Variants in SH3D19 observed in about 807,000 individuals in gnomAD.
SH3D19 encodes SH3 domain-containing protein 19.
Under a neutral mutation model 112.1 loss-of-function variants are expected in SH3D19, and 58 were observed. The observed-to-expected ratio is 0.52, with a 90% CI of 0.42 to 0.64. The LOEUF (loss-of-function observed/expected upper bound fraction) is 0.64. SH3D19 is among the 30% of genes least tolerant of loss of function. The pLI is 0.00. For synonymous variants in SH3D19, 391 were observed against 448.5 expected (o/e 0.87, Z 1.62); for missense variants, 1,090 against 1,263.4 (o/e 0.86, Z 2.08).
intron 1 of SH3D19, among the ~76,000 whole-genome samples, chr4:151,317,919 A>AGGT (rs1230244225): frequency 6.6e-5 from 10 of 151,816 alleles, no homozygotes; most frequent in African/African-American, 1.9e-4. Flanking sequence ...TGAACCTGGG[A>AGGT]GGTGGAGGTT....
intron 2 of SH3D19, among the ~76,000 whole-genome samples, chr4:151,191,748 C>T (rs1012580478): frequency 2.6e-5 from 4 of 151,686 alleles, no homozygotes; most frequent in African/African-American, 7.3e-5. Flanking sequence ...CAGGTTCATG[C>T]CATTCTCCTG....
Position 151,137,715 on chromosome 4 carries a change from A to G in SH3D19, c.2427+17T>C. 1 of 1,570,950 alleles carries G rather than the reference A, an allele frequency of 6.4e-7. No individual in the cohort carries two copies. Among genetic ancestry groups the G allele is most frequent in the Non-Finnish European group, 8.6e-7 (1 of 1,162,290 alleles). The stretch of plus-strand genomic sequence containing the variant: ...ACTGAGTATATGACCAAATTAAAAC[A>G]AACACAACCCACTTACAATCACTTT... On this transcript the variant is annotated intron_variant, in intron 14 of 19. Coordinates refer to ENST00000604030, the MANE Select transcript of SH3D19 (RefSeq NM_001378122.1).
chr4:151,167,523 T>C (rs952004871), intron 7 of SH3D19, among the ~76,000 whole-genome samples: 5 of 152,134 alleles, frequency 3.3e-5, no homozygotes, highest in South Asian at 2.1e-4. Context: ...CAGGATCATT[T>C]TATATCAATT....
chr4:151,273,644 A>T (rs1773389753), intron 1 of SH3D19, among the ~76,000 whole-genome samples: 1 of 151,348 alleles, frequency 6.6e-6, no homozygotes, highest in Admixed American at 6.6e-5. Flanking sequence ...CAACCACAAA[A>T]TCCTCAGAGG....
intron 1 of SH3D19, among the ~76,000 whole-genome samples, chr4:151,265,037 T>G (rs1772668304): frequency 1.3e-5 from 2 of 152,114 alleles, no homozygotes; most frequent in African/African-American, 4.8e-5. Context: ...AATGATAATT[T>G]TCATAAATAA....
chr4:151,226,167 C>T, intron 1 of SH3D19, 81 bp from the exon 2 acceptor site: 2 of 1,230,186 alleles, frequency 1.6e-6, no homozygotes, highest in East Asian at 3.2e-5. Flanking sequence ...AGCTGCCATA[C>T]CATTAGATTT....
intron 17 of SH3D19, among the ~76,000 whole-genome samples, chr4:151,132,084 A>G (rs1409930083): frequency 1.3e-5 from 2 of 152,148 alleles, no homozygotes; most frequent in Non-Finnish European, 2.9e-5. Flanking sequence ...TTGGCTTCCC[A>G]AAGTGTTGGG....
At chr4:151,300,099 G>A (rs1037153282) in intron 1 of SH3D19, among the ~76,000 whole-genome samples, 9 of 152,174 alleles carry the variant, frequency 5.9e-5, no homozygotes, top group Admixed American at 2.0e-4. Flanking sequence ...TACTCGGGAG[G>A]CTGAGGCAGG....
intron 2 of SH3D19, among the ~76,000 whole-genome samples, chr4:151,196,314 A>G (rs528392346): frequency 7.9e-5 from 12 of 152,334 alleles, no homozygotes; most frequent in East Asian, 7.7e-4. Flanking sequence ...CTGTAGTTCC[A>G]GTTACTTGGG....
intron 1 of SH3D19, among the ~76,000 whole-genome samples, chr4:151,298,571 T>G (rs1728014179): frequency 6.6e-6 from 1 of 152,170 alleles, no homozygotes. Flanking sequence ...AGAGGCCTAT[T>G]AGATGTCGAA....
intron 2 of SH3D19, among the ~76,000 whole-genome samples, chr4:151,212,413 G>A (rs888102545): frequency 2.0e-5 from 3 of 152,140 alleles, no homozygotes; most frequent in African/African-American, 7.2e-5. Context: ...CTGAAGTGCT[G>A]GGATTATACG....
intron 1 of SH3D19, among the ~76,000 whole-genome samples, chr4:151,228,846 T>C (rs950624188): frequency 8.3e-6 from 1 of 120,038 alleles, no homozygotes; most frequent in Non-Finnish European, 1.8e-5. Context: ...TTCTCTGAAT[T>C]TTTTCTTTTC....
intron 2 of SH3D19, among the ~76,000 whole-genome samples, chr4:151,201,179 C>T (rs1764340880): frequency 6.6e-6 from 1 of 152,098 alleles, no homozygotes; most frequent in Admixed American, 6.6e-5. Context: ...AGATTATAGC[C>T]AAACCACCAG....
intron 12 of SH3D19, chr4:151,140,074 C>A: frequency 2.2e-6 from 1 of 460,740 alleles, no homozygotes; most frequent in Non-Finnish European, 3.8e-6. Flanking sequence ...AAATATCCCC[C>A]AGTATGTTTT....
chr4:151,277,277 A>G, intron 1 of SH3D19: 1 of 1,377,136 alleles, frequency 7.3e-7, no homozygotes, highest in Non-Finnish European at 9.7e-7. Flanking sequence ...TTTACTAAAG[A>G]GGGCATCACA....
rs7671025 is a variant in SH3D19, at chr4:151,251,286, C to T, written c.113-25200G>A. Among the ~76,000 whole-genome samples, 821 of 151,394 alleles carry T rather than the reference C, an allele frequency of 5.4e-3. 4 individuals are homozygous for T. Among genetic ancestry groups the T allele is most frequent in the Non-Finnish European group, 0.01 (682 of 67,868 alleles). ...TGATCTTGGCTCACTGCAACCTCTG[C>T]CTCCAGGGTTCAAGGGATTCTCCTG... On this transcript the variant is annotated intron_variant, in intron 1 of 19. Coordinates refer to ENST00000604030, the MANE Select transcript of SH3D19 (RefSeq NM_001378122.1).
chr4:151,237,354 T>G (rs561964854), intron 1 of SH3D19, among the ~76,000 whole-genome samples: 9 of 152,248 alleles, frequency 5.9e-5, no homozygotes, highest in Non-Finnish European at 8.8e-5. Context: ...GATTTTGCAT[T>G]GCTTAGGTTA....
chr4:151,231,689 G>C (rs1241500181), intron 1 of SH3D19, among the ~76,000 whole-genome samples: 1 of 152,170 alleles, frequency 6.6e-6, no homozygotes, highest in African/African-American at 2.4e-5. Context: ...GGAGAAATAA[G>C]ACATACTACA....
chr4:151,223,188 A>G (rs1198762529), intron 2 of SH3D19, among the ~76,000 whole-genome samples: 4 of 151,264 alleles, frequency 2.6e-5, no homozygotes, highest in Admixed American at 2.6e-4. Context: ...AACTTTTCCC[A>G]ACAACTTTTT....
Sources: allele counts gnomAD v4.1 joint callset (sites outside exome capture counted in the v4.1 genomes callset), GRCh38; gene constraint gnomAD v4.1.1; transcripts MANE v1.5; gene names NCBI Gene and HGNC (gene_info 2026-07-23, HGNC 2026-07-21).